The following TRDN variants were observed in gnomAD, a reference collection of about 807,000 sequenced individuals.
TRDN encodes the protein triadin in skeletal muscle.
A neutral mutation model predicts 149.7 loss-of-function variants in TRDN; 161 were observed. That is an observed-to-expected ratio of 1.08 (90% confidence interval 0.95 to 1.23). The LOEUF is 1.23. Ranked by LOEUF, TRDN falls within the 50% of genes most tolerant of loss-of-function variation. The pLI is 0.00. For missense variants in TRDN, 896 were observed against 823.5 expected (o/e 1.09, Z -1.08); for synonymous variants, 294 against 250.5 (o/e 1.17, Z -1.64).
At chr6:123,268,847 C>T (rs1273362717) in intron 31 of TRDN, among the ~76,000 whole-genome samples, 1 of 151,830 alleles carries the variant, frequency 6.6e-6, no homozygotes, top group African/African-American at 2.4e-5. Context: ...ACTGTTATAA[C>T]AGCATTAATA....
intron 12 of TRDN, chr6:123,411,654 T>C (rs1183468799): frequency 2.0e-5 from 3 of 152,258 alleles, no homozygotes; most frequent in Admixed American, 6.5e-5. Flanking sequence ...CAATACTTAA[T>C]CTGTATTTAT....
intron 10 of TRDN, among the ~76,000 whole-genome samples, chr6:123,447,804 A>G (rs1483635916): frequency 2.0e-5 from 3 of 151,388 alleles, no homozygotes; most frequent in Non-Finnish European, 2.9e-5. Flanking sequence ...TGTGAATGTT[A>G]GCTCCAGATC....
chr6:123,321,945 C>T (rs1243230309), intron 23 of TRDN, among the ~76,000 whole-genome samples: 2 of 152,106 alleles, frequency 1.3e-5, no homozygotes, highest in Non-Finnish European at 2.9e-5. Context: ...AGAAATTGTT[C>T]TAACTTTGGG....
chr6:123,338,162 C>T (rs1779943071), intron 21 of TRDN, among the ~76,000 whole-genome samples: 1 of 152,150 alleles, frequency 6.6e-6, no homozygotes, highest in Non-Finnish European at 1.5e-5. Context: ...TAAGTACTGG[C>T]TCCAGTAGTT....
At chr6:123,566,589 G>A (rs965817534) in intron 2 of TRDN, among the ~76,000 whole-genome samples, 4 of 152,140 alleles carry the variant, frequency 2.6e-5, no homozygotes, top group African/African-American at 9.7e-5. Flanking sequence ...GAGAGTAACT[G>A]ACAGTTGCCC....
Position 123,498,179 on chromosome 6 carries a change from C to T in TRDN, c.794-927G>A, listed in dbSNP as rs191796979. On this transcript the variant is annotated intron_variant, in intron 8 of 40. Coordinates refer to ENST00000334268, the MANE Select transcript of TRDN (RefSeq NM_006073.4). Reference sequence around the variant, plus strand: ...ATGCATTTTATTAATCCACCAAATCCGAAGGCAGCTTTAGGACCAAGAGAG... The same window carrying T: ...ATGCATTTTATTAATCCACCAAATCTGAAGGCAGCTTTAGGACCAAGAGAG... The T allele has an allele frequency of 2.1e-4, 34 of 161,806 alleles. No individual in the cohort carries two copies. The East Asian group carries it at 3.4e-3, about 16-fold the overall frequency. The allele number at this position is 161,806 out of a possible 1,614,324, so 10.0% of individuals were successfully genotyped here. A position where few individuals can be genotyped will look rare whatever the true frequency, so the allele number is the denominator to read the frequency against.
intron 1 of TRDN, chr6:123,583,873 T>C (rs756905280): frequency 8.5e-6 from 2 of 234,470 alleles, no homozygotes; most frequent in South Asian, 9.9e-5. Flanking sequence ...GCCTGAATAA[T>C]CCCTGAGGAG....
At chr6:123,507,588 T>C (rs1425829777) in intron 7 of TRDN, among the ~76,000 whole-genome samples, 1 of 152,146 alleles carries the variant, frequency 6.6e-6, no homozygotes, top group Non-Finnish European at 1.5e-5. Context: ...TGAGTACACA[T>C]TCTTCAATTT....
intron 19 of TRDN, among the ~76,000 whole-genome samples, chr6:123,369,606 T>C (rs2114371704): frequency 6.6e-6 from 1 of 152,274 alleles, no homozygotes; most frequent in Middle Eastern, 3.4e-3. Context: ...GAAAATATTC[T>C]CTTCCCTCCT....
intron 38 of TRDN, among the ~76,000 whole-genome samples, chr6:123,242,780 A>G (rs1196033237): frequency 6.6e-6 from 1 of 152,074 alleles, no homozygotes; most frequent in African/African-American, 2.4e-5. Context: ...CCAGGGCCCC[A>G]CATTTCAGCC....
At chr6:123,499,721 T>TATAC (rs1301365614) in intron 8 of TRDN, among the ~76,000 whole-genome samples, 1 of 32,616 alleles carries the variant, frequency 3.1e-5, no homozygotes, top group Non-Finnish European at 7.0e-5. Context: ...AAAAAAAAAA[T>TATAC]ATATATATAT....
At chr6:123,320,805 T>C (rs1319649425) in intron 23 of TRDN, among the ~76,000 whole-genome samples, 1 of 152,074 alleles carries the variant, frequency 6.6e-6, no homozygotes, top group African/African-American at 2.4e-5. Flanking sequence ...AATTAACATA[T>C]ACAGTATAAT....
chr6:123,561,765 T>A (rs1226716716), intron 2 of TRDN, among the ~76,000 whole-genome samples: 4 of 151,930 alleles, frequency 2.6e-5, no homozygotes, highest in African/African-American at 9.7e-5. Flanking sequence ...TACCACAGGA[T>A]CTTCCTTCAG....
intron 24 of TRDN, among the ~76,000 whole-genome samples, chr6:123,285,617 A>G (rs562054461): frequency 1.3e-5 from 2 of 152,134 alleles, no homozygotes; most frequent in East Asian, 1.9e-4. Context: ...CCTTCTAGAC[A>G]TTGGCTTAGG....
intron 8 of TRDN, chr6:123,502,792 T>C: frequency 1.0e-6 from 1 of 985,296 alleles, no homozygotes; most frequent in Non-Finnish European, 1.2e-6. Flanking sequence ...AAGAAAAATT[T>C]GGTTTTGCAA....
At chr6:123,320,742 A>G (rs776639381) in intron 23 of TRDN, among the ~76,000 whole-genome samples, 14 of 152,126 alleles carry the variant, frequency 9.2e-5, no homozygotes, top group Non-Finnish European at 1.8e-4. Context: ...TGGTCTGTCT[A>G]TATTATCTAT....
At position 123,586,480 on chromosome 6, in the gene TRDN, G is replaced by C. The variant is rs116857444; in HGVS notation, c.23-15348C>G. Among the ~76,000 whole-genome samples, 1,472 of 152,230 alleles carry C rather than the reference G, an allele frequency of 9.7e-3. 11 individuals carry two copies. The highest frequency in any genetic ancestry group is 0.018 in the African/African-American group (760 of 41,536). On this transcript the variant is annotated intron_variant, in intron 1 of 40. Transcript: ENST00000334268. ...AGTTGCATTGGGAACAGAGACTATA[G>C]AGGGACTGATGTGTAAAAGAATGCC... is the stretch of plus-strand genomic sequence containing the variant.
chr6:123,255,209 G>T (rs1776515979), intron 36 of TRDN, 84 bp from the exon 37 acceptor site: 4 of 591,142 alleles, frequency 6.8e-6, no homozygotes, highest in Non-Finnish European at 1.1e-5. Context: ...AACGAATGAG[G>T]ATAATTTAAG....
intron 24 of TRDN, among the ~76,000 whole-genome samples, chr6:123,289,997 G>GT (rs1170481204): frequency 6.6e-6 from 1 of 152,124 alleles, no homozygotes; most frequent in African/African-American, 2.4e-5. Flanking sequence ...TCTTGCTCAG[G>GT]TAAGTTTACT....
Sources: allele counts gnomAD v4.1 joint callset (sites outside exome capture counted in the v4.1 genomes callset), GRCh38; gene constraint gnomAD v4.1.1; transcripts MANE v1.5; gene names NCBI Gene and HGNC (gene_info 2026-07-23, HGNC 2026-07-21).